The following ADGRL3 variants were observed in gnomAD, a reference collection of about 807,000 sequenced individuals.
ADGRL3 encodes calcium-independent alpha-latrotoxin receptor 3.
A neutral mutation model predicts 153.5 loss-of-function variants in ADGRL3; 62 were observed. The observed-to-expected ratio is 0.40, with a 90% CI of 0.33 to 0.50. ADGRL3 has a LOEUF of 0.50. Ranked by LOEUF, ADGRL3 falls within the 20% of genes least tolerant of loss-of-function variation. The pLI is 0.47. For synonymous variants in ADGRL3, 710 were observed against 672.5 expected (o/e 1.06, Z -0.86); for missense variants, 1,641 against 1,859.4 (o/e 0.88, Z 2.16).
At chr4:61,695,670 C>G (rs2095628953) in intron 6 of ADGRL3, among the ~76,000 whole-genome samples, 1 of 152,164 alleles carries the variant, frequency 6.6e-6, no homozygotes. Context: ...GTTTTACGGC[C>G]AGACCTGATC....
intron 1 of ADGRL3, among the ~76,000 whole-genome samples, chr4:61,291,592 A>G (rs376711120): frequency 3.4e-3 from 39 of 11,594 alleles, no homozygotes; most frequent in Non-Finnish European, 8.6e-3. Context: ...ACATATATAT[A>G]TATATATATA....
At chr4:62,001,492 A>G (rs2099140174) in intron 21 of ADGRL3, among the ~76,000 whole-genome samples, 1 of 152,214 alleles carries the variant, frequency 6.6e-6, no homozygotes, top group Admixed American at 6.5e-5. Flanking sequence ...TCCAGAAAAT[A>G]TTCCTTAATC....
At chr4:61,649,901 A>T (rs1214090810) in intron 5 of ADGRL3, among the ~76,000 whole-genome samples, 1 of 152,108 alleles carries the variant, frequency 6.6e-6, no homozygotes, top group Non-Finnish European at 1.5e-5. Flanking sequence ...GTGACCCTTC[A>T]TATTTTAGGA....
intron 6 of ADGRL3, among the ~76,000 whole-genome samples, chr4:61,729,077 G>T (rs73823219): frequency 0.021 from 3,226 of 151,764 alleles, 74 homozygotes; most frequent in East Asian, 0.078. Context: ...GGGGGGTGAG[G>T]GTTGAAAAAC....
In ADGRL3 at chr4:62,074,083, ATTT is replaced by A. The variant is rs1002509470; in HGVS notation, c.*3179_*3181del. On this transcript the variant is annotated 3_prime_UTR_variant, in exon 27 of 27. Transcript: ENST00000683033. Reference sequence around the variant, plus strand: ...AGAGCTATTGATGAATTAATTAATGATTTTTTAATTGTTCTTTTTTCTACCACC... The same window carrying A: ...AGAGCTATTGATGAATTAATTAATGATTTAATTGTTCTTTTTTCTACCACC... 1 of 147,472 alleles carries A rather than the reference ATTT, an allele frequency of 6.8e-6. No individual in the cohort carries two copies. The highest frequency in any genetic ancestry group is 1.5e-5 in the Non-Finnish European group (1 of 65,992). 9.1% of individuals were successfully genotyped at this position (147,472 alleles called of 1,614,324 possible). A position where few individuals can be genotyped will look rare whatever the true frequency, so the allele number is the denominator to read the frequency against.
At chr4:61,915,588 TTGAC>T (rs1489763243) in intron 13 of ADGRL3, among the ~76,000 whole-genome samples, 3 of 152,088 alleles carry the variant, frequency 2.0e-5, no homozygotes, top group East Asian at 1.9e-4. Flanking sequence ...TGGGTTATAA[TTGAC>T]TGACTATGAA....
chr4:61,302,662 C>T (rs953601912), intron 1 of ADGRL3, among the ~76,000 whole-genome samples: 1 of 151,766 alleles, frequency 6.6e-6, no homozygotes, highest in Non-Finnish European at 1.5e-5. Context: ...TTTTAAAATA[C>T]CCAGAAAACA....
At chr4:61,303,540 C>A (rs140908500) in intron 1 of ADGRL3, among the ~76,000 whole-genome samples, 1 of 151,592 alleles carries the variant, frequency 6.6e-6, no homozygotes. Context: ...GTGACAGAAA[C>A]GGTTTCTGGA....
At chr4:61,694,231 C>G (rs1408095427) in intron 6 of ADGRL3, among the ~76,000 whole-genome samples, 1 of 50,506 alleles carries the variant, frequency 2.0e-5, no homozygotes, top group African/African-American at 6.8e-5. Flanking sequence ...GAGGCAGGAT[C>G]TTGCTTTGTT....
intron 9 of ADGRL3, among the ~76,000 whole-genome samples, chr4:61,884,912 A>G (rs1275905273): frequency 6.6e-6 from 1 of 150,522 alleles, no homozygotes; most frequent in African/African-American, 2.4e-5. Context: ...GGTGTGAGCC[A>G]CCGCGCCCGG....
chr4:61,292,973 A>T (rs1427989692), intron 1 of ADGRL3, among the ~76,000 whole-genome samples: 2 of 152,134 alleles, frequency 1.3e-5, no homozygotes, highest in Non-Finnish European at 2.9e-5. Context: ...AAAGGAACAT[A>T]AAAAGGGATT....
intron 8 of ADGRL3, among the ~76,000 whole-genome samples, chr4:61,742,287 A>C (rs6834831): frequency 0.087 from 13,171 of 151,572 alleles, 1,210 homozygotes; most frequent in African/African-American, 0.23. Flanking sequence ...TCTTATTATT[A>C]TTATTTTTTG....
At chr4:61,746,097 A>G (rs1012334164) in intron 8 of ADGRL3, among the ~76,000 whole-genome samples, 1 of 152,194 alleles carries the variant, frequency 6.6e-6, no homozygotes, top group Admixed American at 6.5e-5. Context: ...AACAAAGATC[A>G]AAGAGACAAA....
chr4:61,720,071 G>A (rs6848408), intron 6 of ADGRL3, among the ~76,000 whole-genome samples: 11,766 of 146,498 alleles, frequency 0.08, 547 homozygotes, highest in Middle Eastern at 0.13. Flanking sequence ...AGATTCTTTA[G>A]CAAAACTCAG....
At chr4:61,338,436 G>T (rs770497624) in intron 1 of ADGRL3, among the ~76,000 whole-genome samples, 14 of 151,694 alleles carry the variant, frequency 9.2e-5, no homozygotes, top group Non-Finnish European at 2.1e-4. Context: ...AGAGAGAAGA[G>T]ATTGATTTGA....
At chr4:61,801,948 T>C (rs1031224632) in intron 8 of ADGRL3, among the ~76,000 whole-genome samples, 1 of 152,196 alleles carries the variant, frequency 6.6e-6, no homozygotes, top group East Asian at 1.9e-4. Flanking sequence ...TGATTTACCA[T>C]GTTTTTTATT....
At chr4:62,062,505 G>A (rs1234235850) in intron 25 of ADGRL3, among the ~76,000 whole-genome samples, 2 of 151,826 alleles carry the variant, frequency 1.3e-5, no homozygotes, top group Admixed American at 1.3e-4. Flanking sequence ...TTTGTATTTT[G>A]CTTTCCTTTG....
chr4:61,643,553 GT>G (rs1192262628), intron 5 of ADGRL3, among the ~76,000 whole-genome samples: 2 of 151,632 alleles, frequency 1.3e-5, no homozygotes, highest in African/African-American at 4.9e-5. Context: ...TAATCATGTG[GT>G]TTTTGTCTTT....
chr4:61,865,428 A>G (rs1021461212), intron 9 of ADGRL3, among the ~76,000 whole-genome samples: 1 of 152,214 alleles, frequency 6.6e-6, no homozygotes, highest in Non-Finnish European at 1.5e-5. Flanking sequence ...TAAAATAACC[A>G]GCTAGATTGT....
Sources: allele counts gnomAD v4.1 joint callset (sites outside exome capture counted in the v4.1 genomes callset), GRCh38; gene constraint gnomAD v4.1.1; transcripts MANE v1.5; gene names NCBI Gene and HGNC (gene_info 2026-07-23, HGNC 2026-07-21).